GCSAML: variants seen among roughly 807,000 people sequenced by gnomAD.
GCSAML encodes the protein germinal center-associated signaling and motility-like protein.
Under a neutral mutation model 13.0 loss-of-function variants are expected in GCSAML, and 9 were observed. That is an observed-to-expected ratio of 0.69 (90% CI 0.42 to 1.21). The LOEUF (loss-of-function observed/expected upper bound fraction) is 1.21. Ranked by LOEUF, GCSAML falls within the 50% of genes most tolerant of loss-of-function variation. The pLI is 0.00. For missense variants in GCSAML, 143 were observed against 153.4 expected, an observed-to-expected ratio of 0.93 and a Z score of 0.36; for synonymous variants, 37 against 52.9, an observed-to-expected ratio of 0.70 and a Z score of 1.31.
chr1:247,545,194 A>G (rs907998618), upstream of GCSAML, among the ~76,000 whole-genome samples: 2 of 152,222 alleles, frequency 1.3e-5, no homozygotes, highest in Non-Finnish European at 2.9e-5. Flanking sequence ...TTATCTGCAA[A>G]TGAGCAGGGA....
intron 3 of GCSAML, among the ~76,000 whole-genome samples, chr1:247,564,227 C>T (rs979772647): frequency 1.4e-4 from 22 of 152,068 alleles, no homozygotes; most frequent in African/African-American, 4.8e-4. Flanking sequence ...CCACCATGCC[C>T]GGCCCCTAAA....
intron 1 of GCSAML, among the ~76,000 whole-genome samples, chr1:247,553,199 AC>A (rs1667840428): frequency 6.6e-6 from 1 of 152,184 alleles, no homozygotes. Context: ...ACCATATGCA[AC>A]AGTAATAAAT....
In GCSAML at chr1:247,576,157, A is replaced by G. The variant is rs1558266254; in HGVS notation, c.*1775A>G. 1 of 152,214 alleles carries G rather than the reference A, an allele frequency of 6.6e-6. No individual in the cohort carries two copies. Among genetic ancestry groups the G allele is most frequent in the Non-Finnish European group, 1.5e-5 (1 of 68,044 alleles). The allele number at this position is 152,214 out of a possible 1,614,324, so 9.4% of individuals were successfully genotyped here. A position where few individuals can be genotyped will look rare whatever the true frequency, so the allele number is the denominator to read the frequency against. ...GAATAGCCTGAAGGTAATTTTATACAATATTTTAAATAATTTTATGCCTGA... is the reference window on the plus strand; with the variant it reads ...GAATAGCCTGAAGGTAATTTTATACGATATTTTAAATAATTTTATGCCTGA... On this transcript the variant is annotated 3_prime_UTR_variant, in exon 5 of 5. Coordinates refer to ENST00000366488, the MANE Select transcript of GCSAML (RefSeq NM_145278.5).
intron 2 of GCSAML, among the ~76,000 whole-genome samples, chr1:247,541,591 C>T (rs1308477113): frequency 3.3e-5 from 5 of 152,132 alleles, no homozygotes; most frequent in African/African-American, 1.2e-4. Context: ...AAAAAACACA[C>T]AGACACTCCA....
upstream of GCSAML, chr1:247,548,894 A>G: frequency 2.1e-6 from 1 of 485,010 alleles, no homozygotes; most frequent in Non-Finnish European, 3.6e-6. The surrounding 1 kb of genome is among the most constrained non-coding windows in gnomAD (Gnocchi z 5.3). Context: ...TGATAGATTC[A>G]CTTTCATGTT....
chr1:247,536,293 G>A (rs760497826), intron 2 of GCSAML: 2 of 152,136 alleles, frequency 1.3e-5, no homozygotes, highest in Non-Finnish European at 2.9e-5. Flanking sequence ...AAAAATAGGA[G>A]TTTAGCCAGG....
chr1:247,559,232 A>G (rs1290420383), intron 2 of GCSAML, among the ~76,000 whole-genome samples: 2 of 152,278 alleles, frequency 1.3e-5, no homozygotes, highest in Admixed American at 6.5e-5. Flanking sequence ...TGCTAGAGAA[A>G]CATTATTGTG....
chr1:247,520,285 G>C (rs917973755), intron 1 of GCSAML, among the ~76,000 whole-genome samples: 9 of 152,134 alleles, frequency 5.9e-5, no homozygotes, highest in African/African-American at 2.2e-4. Context: ...ATTTAGATTG[G>C]TAGACTTTGA....
upstream of GCSAML, among the ~76,000 whole-genome samples, chr1:247,546,099 C>G (rs1667558317): frequency 6.6e-6 from 1 of 151,948 alleles, no homozygotes; most frequent in Non-Finnish European, 1.5e-5. Flanking sequence ...TATTCACGTT[C>G]TTTTATATCA....
chr1:247,523,997 T>TACACACACACACACACAC (rs34257635), intron 1 of GCSAML, among the ~76,000 whole-genome samples: 35 of 147,850 alleles, frequency 2.4e-4, no homozygotes, highest in African/African-American at 4.5e-4. Context: ...ACATCTGTCT[T>TACACACACACACACACAC]ACACACACAC....
intron 3 of GCSAML, among the ~76,000 whole-genome samples, chr1:247,564,284 A>G (rs912513233): frequency 1.3e-5 from 2 of 150,920 alleles, no homozygotes; most frequent in African/African-American, 4.9e-5. Context: ...CTGGTGGTGC[A>G]CTCCTGTAGT....
chr1:247,573,103 G>A (rs1334906120), intron 4 of GCSAML, among the ~76,000 whole-genome samples: 1 of 152,206 alleles, frequency 6.6e-6, no homozygotes. Context: ...TTAGCTTGCT[G>A]GGCTCCATGG....
chr1:247,522,004 ATGTGAGGAGCGCCTCTGCCCG>A, intron 1 of GCSAML, among the ~76,000 whole-genome samples: 1 of 150,214 alleles, frequency 6.7e-6, no homozygotes, highest in Non-Finnish European at 1.5e-5. Context: ...CCCGTCTGGG[ATGTGAGGAGCGCCTCTGCCCG>A]GCCGCAACCC....
At chr1:247,546,931 A>ATT (rs1417893084), upstream of GCSAML, among the ~76,000 whole-genome samples, 5 of 115,096 alleles carry the variant, frequency 4.3e-5, no homozygotes, top group East Asian at 2.7e-4. Context: ...CTCTACTAAA[A>ATT]TTAAAAAAAA....
intron 1 of GCSAML, among the ~76,000 whole-genome samples, chr1:247,513,206 C>T (rs1666102155): frequency 6.6e-6 from 1 of 152,186 alleles, no homozygotes; most frequent in Admixed American, 6.5e-5. Flanking sequence ...AGATGCCCTG[C>T]CCAGAGAGGA....
chr1:247,555,515 G>A lies in GCSAML; in HGVS notation c.30-892G>A, dbSNP rs531764085. Among the ~76,000 whole-genome samples, 5 of 152,314 alleles carry A rather than the reference G, an allele frequency of 3.3e-5. No homozygotes were observed. The South Asian group carries it at 1.0e-3, about 32-fold the overall frequency. ...TATTCTTTGCTTAGTGGCTTTGTGT[G>A]TTGATATCTAGCAATGTTTCTTGAA... On this transcript the variant is annotated intron_variant, in intron 1 of 4. Coordinates refer to ENST00000366488, the MANE Select transcript of GCSAML (RefSeq NM_145278.5).
chr1:247,532,291 A>G (rs1189485360), intron 2 of GCSAML: 1 of 1,614,208 alleles, frequency 6.2e-7, no homozygotes, highest in Admixed American at 1.7e-5. Context: ...GCTCGTGGTG[A>G]AGCTCATGTC....
intron 2 of GCSAML, among the ~76,000 whole-genome samples, chr1:247,557,342 G>A (rs1667990625): frequency 6.6e-6 from 1 of 152,068 alleles, no homozygotes; most frequent in Non-Finnish European, 1.5e-5. Context: ...ACCCTTGCAA[G>A]ACACTCAATG....
At chr1:247,532,872 GGT>G (rs145937171) in intron 2 of GCSAML, among the ~76,000 whole-genome samples, 34,538 of 99,032 alleles carry the variant, frequency 0.35, 4,739 homozygotes, top group African/African-American at 0.47. Flanking sequence ...TAAAAGACTG[GGT>G]GGGGGGTGTT....
Sources: allele counts gnomAD v4.1 joint callset (sites outside exome capture counted in the v4.1 genomes callset), GRCh38; gene constraint gnomAD v4.1.1; non-coding constraint Gnocchi (gnomAD v3.1); transcripts MANE v1.5; gene names NCBI Gene and HGNC (gene_info 2026-07-23, HGNC 2026-07-21).